The following CFAP69 variants were observed in gnomAD, a reference collection of about 807,000 sequenced individuals.
CFAP69 encodes cilia and flagella associated protein 69, also known as cilia- and flagella-associated protein 69.
Under a neutral mutation model 123.0 loss-of-function variants are expected in CFAP69, and 92 were observed. The observed-to-expected ratio is 0.75, with a 90% CI of 0.63 to 0.89. The LOEUF is 0.89. CFAP69 is among the 40% of genes least tolerant of loss of function. CFAP69 has a pLI of 0.00. For synonymous variants in CFAP69, 380 were observed against 364.3 expected (o/e 1.04, Z -0.49); for missense variants, 1,067 against 1,096.9 (o/e 0.97, Z 0.39).
chr7:90,317,367 C>A, the CFAP69 span: 2 of 151,998 alleles, frequency 1.3e-5, no homozygotes, highest in African/African-American at 4.8e-5. Context: ...GACATAAAAT[C>A]ACTCATGTTT....
chr7:90,287,684 C>G (rs774266192), intron 14 of CFAP69: 601 of 985,482 alleles, frequency 6.1e-4, no homozygotes, highest in Middle Eastern at 1.6e-3. Flanking sequence ...GCCTGGGCTC[C>G]TCTGGAAAAA....
chr7:90,268,774 G>A (rs1252639085), intron 6 of CFAP69: 4 of 179,126 alleles, frequency 2.2e-5, no homozygotes, highest in Non-Finnish European at 4.6e-5. Context: ...TCTCCATCCT[G>A]TTTGGGAAAA....
chr7:90,263,155 A>G (rs1180248822), intron 4 of CFAP69, among the ~76,000 whole-genome samples: 1 of 152,160 alleles, frequency 6.6e-6, no homozygotes, highest in African/African-American at 2.4e-5. Flanking sequence ...CACAAAGTTC[A>G]TTGTCTATGA....
At chr7:90,293,978 C>T (rs745606470) in intron 15 of CFAP69, among the ~76,000 whole-genome samples, 7 of 152,230 alleles carry the variant, frequency 4.6e-5, no homozygotes, top group Non-Finnish European at 7.3e-5. Flanking sequence ...TCACGACTTA[C>T]ATAGACTATG....
At chr7:90,257,958 T>A in intron 2 of CFAP69, 140 bp from the exon 3 acceptor site, 8 of 581,908 alleles carry the variant, frequency 1.4e-5, no homozygotes, top group African/African-American at 1.9e-5. Context: ...TCAGAAAACA[T>A]TTTATAACGT....
At chr7:90,319,982 T>C in the CFAP69 span, among the ~76,000 whole-genome samples, 1 of 152,204 alleles carries the variant, frequency 6.6e-6, no homozygotes, top group Non-Finnish European at 1.5e-5. Flanking sequence ...AACACATTTA[T>C]GAAAATGCAA....
At position 90,245,563 on chromosome 7, in the gene CFAP69, G is replaced by A; in HGVS notation, c.120+19G>A. ...GGCGCAGGTATGAGCAGGTGTCTGTGCTTTCAGAGGTGGAGGGGGTGGGAG... is the reference window on the plus strand; with the variant it reads ...GGCGCAGGTATGAGCAGGTGTCTGTACTTTCAGAGGTGGAGGGGGTGGGAG... On this transcript the variant is annotated intron_variant, in intron 1 of 22. Coordinates refer to ENST00000389297, the MANE Select transcript of CFAP69 (RefSeq NM_001039706.3). 6.8e-7 allele frequency: 1 copy of A among 1,462,846 alleles called. No homozygotes were observed. Among genetic ancestry groups the A allele is most frequent in the Non-Finnish European group, 9.0e-7 (1 of 1,106,588 alleles). The allele number at this position is 1,462,846 out of a possible 1,614,324, so 90.6% of individuals were successfully genotyped here.
intron 8 of CFAP69, among the ~76,000 whole-genome samples, chr7:90,272,833 A>C (rs981449711): frequency 2.0e-5 from 3 of 152,088 alleles, no homozygotes; most frequent in African/African-American, 7.2e-5. Context: ...AGGCTCAGAG[A>C]AAAGTCTTTG....
chr7:90,296,236 A>G (rs1475311823), intron 15 of CFAP69, among the ~76,000 whole-genome samples: 1 of 152,136 alleles, frequency 6.6e-6, no homozygotes, highest in African/African-American at 2.4e-5. Context: ...TTGAAACAGC[A>G]ATGTCGACAA....
rs754673874 is a variant in CFAP69, at chr7:90,258,145, G to C, written c.228G>C (p.Gln76His). 3.7e-6 allele frequency: 6 copies of C among 1,609,214 alleles called. No individual in the cohort carries two copies. The highest frequency in any genetic ancestry group is 1.7e-4 in the Middle Eastern group (1 of 5,716). ...KQLKFVKKLVQCYQNGLPLRD... is the reference protein window; with the variant it reads ...KQLKFVKKLVHCYQNGLPLRD... ...TTAAATTTGTCAAGAAACTGGTACA[G>C]TGTTATCAGAATGGACTTGTATCCT... Residue 76 changes from glutamine (Q) to histidine (H), a missense_variant, in exon 3 of 23, where the codon CAG becomes CAC. By Grantham distance (24) the Gln-to-His change is conservative (BLOSUM62 0). Coordinates refer to ENST00000389297, the MANE Select transcript of CFAP69 (RefSeq NM_001039706.3).
rs1457034454 is a variant in CFAP69, at chr7:90,264,100, AAAAAATATATATATAT to A, written c.357-1199_357-1184del. Among the ~76,000 whole-genome samples, 19 of 33,036 alleles carry A rather than the reference AAAAAATATATATATAT, an allele frequency of 5.8e-4. 1 individual carries two copies. The highest frequency in any genetic ancestry group is 1.7e-3 in the African/African-American group (18 of 10,358). 21.7% of individuals were successfully genotyped at this position (33,036 alleles called of 152,430 possible). ...AGCAAGACTCCATCTCGAAAAAAAA[AAAAAATATATATATAT>A]ATATATATATATATATATATATATA... On this transcript the variant is annotated intron_variant, in intron 4 of 22. Transcript: ENST00000389297.
chr7:90,298,097 TACTCC>T (rs2117305385), intron 16 of CFAP69, among the ~76,000 whole-genome samples: 1 of 152,364 alleles, frequency 6.6e-6, no homozygotes, highest in South Asian at 2.1e-4. Flanking sequence ...TTTTTCTTTG[TACTCC>T]ATCAACCTGT....
intron 14 of CFAP69, chr7:90,287,589 G>T (rs1790489773): frequency 3.0e-6 from 3 of 985,334 alleles, no homozygotes; most frequent in African/African-American, 1.7e-5. Flanking sequence ...ACAAAAAAAT[G>T]ATGGTTTCAA....
At chr7:90,291,181 C>T (rs1013356105) in intron 15 of CFAP69, among the ~76,000 whole-genome samples, 1 of 152,126 alleles carries the variant, frequency 6.6e-6, no homozygotes. Flanking sequence ...ATGGCTACTC[C>T]ATAATCAGAG....
rs757775526 is a variant in CFAP69 at position 90,261,978 on chromosome 7, T to G, written c.278T>G (p.Ile93Ser). ...PLRDLAQIFK[I>S]LNLCSGKIKN... ...AGGGATTTAGCACAGATATTTAAAATTCTGAATCTGTGTTCAGGAAAAATA... is the reference window on the plus strand; with the variant it reads ...AGGGATTTAGCACAGATATTTAAAAGTCTGAATCTGTGTTCAGGAAAAATA... The change falls in exon 4 of 23, where the codon ATT (isoleucine) becomes AGT (serine). Residue 93 changes from isoleucine to serine, a missense_variant. Coordinates refer to ENST00000389297, the MANE Select transcript of CFAP69 (RefSeq NM_001039706.3). 64 of 1,596,276 alleles carry G rather than the reference T, an allele frequency of 4.0e-5. No homozygotes were observed. In the South Asian group the frequency reaches 7.1e-4, roughly 18 times the overall value.
chr7:90,292,792 T>C (rs983537568), intron 15 of CFAP69, among the ~76,000 whole-genome samples: 1 of 152,194 alleles, frequency 6.6e-6, no homozygotes, highest in African/African-American at 2.4e-5. Context: ...ACAAAATTAA[T>C]TTCTGTTTGA....
chr7:90,245,473 A>G lies in CFAP69; in HGVS notation c.49A>G (p.Ile17Val), dbSNP rs377751776. ...GACCGCCGAGGCCCAGGAATCCGGC[A>G]TCAGGAACAAGTCTAGCAGTTCCAG... ...GATAEAQESG[I>V]RNKSSSSSQI... Residue 17 changes from isoleucine to valine, a missense_variant, in exon 1 of 23, where the codon ATC becomes GTC. Transcript: ENST00000389297. 2.4e-4 allele frequency: 372 copies of G among 1,553,586 alleles called. 2 individuals are homozygous for G. In the East Asian group the frequency reaches 5.2e-3, roughly 22 times the overall value.
At chr7:90,261,217 T>C (rs1165483399) in intron 3 of CFAP69, among the ~76,000 whole-genome samples, 2 of 152,040 alleles carry the variant, frequency 1.3e-5, no homozygotes, top group African/African-American at 2.4e-5. Context: ...ATAGCTGGGA[T>C]TACAGGCACC....
rs776645453 is a variant in CFAP69 at position 90,288,325 on chromosome 7, T to C, written c.1748T>C (p.Leu583Pro). The C allele has an allele frequency of 1.9e-6, 3 of 1,611,442 alleles. No homozygotes were observed. The East Asian group carries it at 6.7e-5, about 36-fold the overall frequency. The change falls in exon 15 of 23, where the codon CTT becomes CCT. Residue 583 changes from leucine (L) to proline (P), a missense_variant. Transcript: ENST00000389297. ...KLQSGLGYNVLLFSTLDSIWC... is the reference protein window; with the variant it reads ...KLQSGLGYNVPLFSTLDSIWC... ...CAGAGTGGCTTAGGCTATAATGTAC[T>C]TCTTTTTAGTACATTGGACAGCATT...
Sources: gnomAD v4.1 joint callset for allele counts (sites outside exome capture counted in the v4.1 genomes callset) on GRCh38, gnomAD v4.1.1 for gene constraint, MANE v1.5 for transcripts, NCBI Gene and HGNC (gene_info 2026-07-23, HGNC 2026-07-21) for gene names.